BCL9: variants seen among roughly 807,000 people sequenced by gnomAD.
The protein encoded by BCL9 is B-cell CLL/lymphoma 9 protein.
BCL9 carries 25 observed loss-of-function variants against 88.5 expected under a neutral mutation model. The observed-to-expected ratio is 0.28, with a 90% CI of 0.21 to 0.39. The LOEUF (loss-of-function observed/expected upper bound fraction) is 0.39. BCL9 is among the 10% of genes least tolerant of loss of function. The probability of loss-of-function intolerance (pLI) is 1.00; values close to 1 mark genes in which losing one functional copy is unlikely to be tolerated. For missense variants in BCL9, 1,817 were observed against 1,877.8 expected, an observed-to-expected ratio of 0.97 and a Z score of 0.60; for synonymous variants, 711 against 673.3, an observed-to-expected ratio of 1.06 and a Z score of -0.87.
At chr1:147,622,582 A>AC (rs1557864098) in intron 9 of BCL9, 51 bp downstream of exon 9, 1 of 1,604,738 alleles carries the variant, frequency 6.2e-7, no homozygotes, top group Non-Finnish European at 8.5e-7. Context: ...CCAAAGAGAA[A>AC]CCTCTTGAAG....
intron 1 of BCL9, among the ~76,000 whole-genome samples, chr1:147,574,277 T>G (rs1414356050): frequency 6.6e-6 from 1 of 152,178 alleles, no homozygotes; most frequent in Non-Finnish European, 1.5e-5. Flanking sequence ...CTGTGTCCAC[T>G]CTCAGTGGCA....
At chr1:147,557,779 A>G (rs1655185536) in intron 1 of BCL9, among the ~76,000 whole-genome samples, 1 of 152,168 alleles carries the variant, frequency 6.6e-6, no homozygotes, top group African/African-American at 2.4e-5. Context: ...CTTTCTCATT[A>G]ATTTTCCACA....
chr1:147,546,858 T>C (rs1441573488), intron 1 of BCL9, among the ~76,000 whole-genome samples: 1 of 152,206 alleles, frequency 6.6e-6, no homozygotes, highest in Non-Finnish European at 1.5e-5. Flanking sequence ...TGCAGACACA[T>C]GTGCAAGAGA....
rs1276434362 is a variant in BCL9 at position 147,619,219 on chromosome 1, A to G, written c.1064A>G (p.Gln355Arg). Reference protein sequence around the residue: ...GENPDGLSQEQLEHRERSLQT... With the variant: ...GENPDGLSQERLEHRERSLQT... ...AATCCCGATGGCCTATCTCAGGAGC[A>G]GCTGGAGCACCGGGAGCGCTCCTTA... is the stretch of plus-strand genomic sequence containing the variant. Residue 355 changes from glutamine (Q) to arginine (R), a missense_variant, in exon 8 of 10, where the codon CAG becomes CGG. Physicochemically the swap from Gln to Arg is conservative, Grantham distance 43 (BLOSUM62 1). Transcript: ENST00000234739. This position sits in a 1 kb window ranked among gnomAD's most constrained non-coding sequence, Gnocchi z 4.1. 1.5e-5 allele frequency: 24 copies of G among 1,614,076 alleles called. 1 individual carries two copies. In the Admixed American group the frequency reaches 4.0e-4, roughly 27 times the overall value.
intron 1 of BCL9, among the ~76,000 whole-genome samples, chr1:147,596,339 C>T (rs1307429993): frequency 3.3e-5 from 5 of 152,022 alleles, no homozygotes; most frequent in African/African-American, 9.6e-5. Flanking sequence ...AAATAATTTC[C>T]TGGCTATGTT....
chr1:147,548,979 C>CGTTT (rs1654749606), intron 1 of BCL9, among the ~76,000 whole-genome samples: 1 of 111,340 alleles, frequency 9.0e-6, no homozygotes, highest in South Asian at 3.1e-4. Flanking sequence ...TTCTTTCTTT[C>CGTTT]TTTTTTTTTT....
intron 1 of BCL9, among the ~76,000 whole-genome samples, chr1:147,563,382 A>T (rs587658113): frequency 5.3e-5 from 8 of 152,338 alleles, no homozygotes; most frequent in African/African-American, 1.9e-4. Context: ...GAATGGATGA[A>T]TAAATGAGTG....
chr1:147,554,299 G>A (rs1408803558), intron 1 of BCL9, among the ~76,000 whole-genome samples: 3 of 151,998 alleles, frequency 2.0e-5, no homozygotes, highest in African/African-American at 7.2e-5. Flanking sequence ...AAGAACAACA[G>A]ACAGTCTCAA....
chr1:147,585,903 A>G (rs1226933146), intron 1 of BCL9, among the ~76,000 whole-genome samples: 2 of 152,148 alleles, frequency 1.3e-5, no homozygotes, highest in Non-Finnish European at 2.9e-5. Flanking sequence ...CTGGGTTTAT[A>G]GCTCAGAGCT....
chr1:147,547,463 T>C (rs1654659192), intron 1 of BCL9, among the ~76,000 whole-genome samples: 1 of 152,210 alleles, frequency 6.6e-6, no homozygotes, highest in Non-Finnish European at 1.5e-5. Flanking sequence ...GAATATCATC[T>C]TGCTTGGAGC....
intron 1 of BCL9, among the ~76,000 whole-genome samples, chr1:147,543,073 T>C (rs1420183386): frequency 1.3e-5 from 2 of 152,206 alleles, no homozygotes; most frequent in Non-Finnish European, 2.9e-5. Context: ...AGTGACATCT[T>C]GAGGGATGGA....
At chr1:147,600,605 A>G (rs1346032118) in intron 1 of BCL9, among the ~76,000 whole-genome samples, 2 of 151,980 alleles carry the variant, frequency 1.3e-5, no homozygotes, top group African/African-American at 2.4e-5. Flanking sequence ...TTGTGTCCCA[A>G]GCAGTGCTTG....
intron 1 of BCL9, among the ~76,000 whole-genome samples, chr1:147,595,239 G>T (rs1015134960): frequency 6.6e-6 from 1 of 152,194 alleles, no homozygotes; most frequent in African/African-American, 2.4e-5. Context: ...GGAAGTGAAG[G>T]TACATCTTAG....
At chr1:147,562,267 T>G (rs1553196200) in intron 1 of BCL9, among the ~76,000 whole-genome samples, 1 of 152,046 alleles carries the variant, frequency 6.6e-6, no homozygotes, top group Admixed American at 6.5e-5. Context: ...AGGCAGAGAT[T>G]GCGGTGAGCT....
intron 1 of BCL9, among the ~76,000 whole-genome samples, chr1:147,592,742 C>A (rs781967143): frequency 1.8e-4 from 28 of 152,176 alleles, no homozygotes; most frequent in Non-Finnish European, 2.9e-4. Flanking sequence ...CCAGAGATGA[C>A]CAAATGCAAT....
chr1:147,607,239 A>G (rs782342064), intron 3 of BCL9, among the ~76,000 whole-genome samples: 1 of 152,154 alleles, frequency 6.6e-6, no homozygotes, highest in Non-Finnish European at 1.5e-5. Context: ...TTCTCTGTTG[A>G]TGGATACTTA....
chr1:147,624,774 G>T lies in BCL9; in HGVS notation c.4096G>T (p.Ala1366Ser). 1 of 1,612,792 alleles carries T rather than the reference G, an allele frequency of 6.2e-7. No individual in the cohort carries two copies. The highest frequency in any genetic ancestry group is 1.7e-4 in the Middle Eastern group (1 of 6,050). ...GATTCCTGGCAAGGATCGGGGGCCT[G>T]CCGGGCTCTACACCCACCCTGGGCC... ...GMIPGKDRGP[A>S]GLYTHPGPVG... Residue 1366 changes from alanine to serine, a missense_variant, in exon 10 of 10, where the codon GCC becomes TCC. This residue lies in a region of BCL9 where 589 missense variants were observed against 686.2 expected (regional missense o/e 0.86). Transcript: ENST00000234739. The surrounding 1 kb of genome is among the most constrained non-coding windows in gnomAD (Gnocchi z 4.4).
intron 6 of BCL9, 132 bp downstream of exon 6, chr1:147,614,748 C>T (rs782168522): frequency 1.0e-6 from 1 of 974,728 alleles, no homozygotes. Context: ...CCTCCCCAAC[C>T]CAAACTCCCC....
chr1:147,568,742 A>T (rs995272693), intron 1 of BCL9, among the ~76,000 whole-genome samples: 12 of 152,202 alleles, frequency 7.9e-5, no homozygotes, highest in Non-Finnish European at 1.5e-4. Context: ...TCTTTGAAAA[A>T]TGTCAGCTGT....
Sources: gnomAD v4.1 joint callset for allele counts (sites outside exome capture counted in the v4.1 genomes callset) on GRCh38, gnomAD v4.1.1 for gene constraint, gnomAD v4.1.1 regional missense constraint, Gnocchi (gnomAD v3.1) non-coding constraint, MANE v1.5 for transcripts, NCBI Gene and HGNC (gene_info 2026-07-23, HGNC 2026-07-21) for gene names.